The following SLC39A11 variants were observed in gnomAD, a reference collection of about 807,000 sequenced individuals.
The protein encoded by SLC39A11 is solute carrier family 39 member 11.
SLC39A11 carries 33 observed loss-of-function variants against 36.1 expected under a neutral mutation model. The observed-to-expected ratio is 0.91, with a 90% CI of 0.69 to 1.22. SLC39A11 has a LOEUF of 1.22. Ranked by LOEUF, SLC39A11 falls within the 50% of genes most tolerant of loss-of-function variation. The pLI is 0.00. For missense variants in SLC39A11, 432 were observed against 430.3 expected (o/e 1.00, Z -0.03); for synonymous variants, 166 against 170.3 (o/e 0.97, Z 0.20).
chr17:72,861,780 A>C (rs1426507362), intron 5 of SLC39A11, among the ~76,000 whole-genome samples: 6 of 87,938 alleles, frequency 6.8e-5, no homozygotes, highest in Admixed American at 1.3e-4. Flanking sequence ...ATATATATAT[A>C]TATCCAATGC....
At chr17:72,909,894 C>T (rs552064420) in intron 5 of SLC39A11, among the ~76,000 whole-genome samples, 94 of 152,026 alleles carry the variant, frequency 6.2e-4, no homozygotes, top group Non-Finnish European at 7.5e-4. Context: ...TCCAGGCGCC[C>T]GCCATTACGC....
chr17:72,963,264 G>A (rs975016724), intron 4 of SLC39A11, among the ~76,000 whole-genome samples: 20 of 136,258 alleles, frequency 1.5e-4, no homozygotes, highest in African/African-American at 3.8e-4. Flanking sequence ...TCCGCCTCCC[G>A]GGTTCACGCC....
intron 6 of SLC39A11, among the ~76,000 whole-genome samples, chr17:72,790,164 TA>T (rs1381696588): frequency 6.6e-6 from 1 of 152,130 alleles, no homozygotes; most frequent in Non-Finnish European, 1.5e-5. Flanking sequence ...AAGACTAGCA[TA>T]GGGGGCATCA....
intron 6 of SLC39A11, among the ~76,000 whole-genome samples, chr17:72,767,161 C>CT (rs1252325330): frequency 1.3e-5 from 2 of 152,230 alleles, no homozygotes; most frequent in Non-Finnish European, 2.9e-5. Flanking sequence ...TGTTGAGCTG[C>CT]TTTTTGTGTT....
intron 7 of SLC39A11, among the ~76,000 whole-genome samples, chr17:72,687,700 G>T (rs1353409789): frequency 6.6e-6 from 1 of 152,232 alleles, no homozygotes; most frequent in African/African-American, 2.4e-5. Context: ...GAGGCATGGA[G>T]TAGGGAAGGT....
At chr17:72,655,852 TA>T (rs2070091140) in intron 7 of SLC39A11, among the ~76,000 whole-genome samples, 1 of 151,880 alleles carries the variant, frequency 6.6e-6, no homozygotes. Context: ...CTCTCAGTGG[TA>T]GGGGGTGAGC....
intron 6 of SLC39A11, among the ~76,000 whole-genome samples, chr17:72,808,002 G>C (rs1458383787): frequency 6.6e-6 from 1 of 151,964 alleles, no homozygotes; most frequent in African/African-American, 2.4e-5. Flanking sequence ...AAATTGTAAG[G>C]CACCAAATTG....
chr17:72,848,205 G>A (rs900580042), intron 6 of SLC39A11, among the ~76,000 whole-genome samples: 5 of 152,158 alleles, frequency 3.3e-5, no homozygotes, highest in African/African-American at 7.2e-5. Context: ...CAAGGTTCAG[G>A]GAGTTCAAGC....
Position 72,918,180 on chromosome 17 carries a change from G to A in SLC39A11, c.430+29572C>T, listed in dbSNP as rs143897209. Reference sequence around the variant, plus strand: ...TCCCAGCACTTTGGGAGGCCGAGGCGGGTGGATCTCCTGAGGTCAGGAGTC... The same window carrying A: ...TCCCAGCACTTTGGGAGGCCGAGGCAGGTGGATCTCCTGAGGTCAGGAGTC... On this transcript the variant is annotated intron_variant, in intron 5 of 9. Transcript: ENST00000255559. Among the ~76,000 whole-genome samples, 565 of 152,256 alleles carry A rather than the reference G, an allele frequency of 3.7e-3. 3 individuals carry two copies. Among genetic ancestry groups the A allele is most frequent in the African/African-American group, 4.9e-3 (203 of 41,550 alleles).
At chr17:72,825,328 G>A (rs1178901135) in intron 6 of SLC39A11, among the ~76,000 whole-genome samples, 1 of 152,182 alleles carries the variant, frequency 6.6e-6, no homozygotes, top group Non-Finnish European at 1.5e-5. Flanking sequence ...TAAGCTTTTG[G>A]GTGTTCAGAA....
intron 6 of SLC39A11, among the ~76,000 whole-genome samples, chr17:72,831,004 T>A (rs1309911434): frequency 6.6e-6 from 1 of 152,186 alleles, no homozygotes; most frequent in East Asian, 1.9e-4. Flanking sequence ...TGAGACTTAG[T>A]GATTTTTGTA....
chr17:72,933,605 C>T (rs572501868), intron 5 of SLC39A11, among the ~76,000 whole-genome samples: 3 of 152,226 alleles, frequency 2.0e-5, no homozygotes, highest in African/African-American at 4.8e-5. Context: ...CTGCAACCTC[C>T]GCCTCCCGGG....
intron 4 of SLC39A11, among the ~76,000 whole-genome samples, chr17:73,025,123 G>A (rs1198262134): frequency 6.6e-6 from 1 of 152,112 alleles, no homozygotes; most frequent in Non-Finnish European, 1.5e-5. Context: ...GAACATGGTT[G>A]AGGACTCAGA....
chr17:72,750,722 G>A (rs955827235), intron 6 of SLC39A11, among the ~76,000 whole-genome samples: 1 of 152,042 alleles, frequency 6.6e-6, no homozygotes, highest in African/African-American at 2.4e-5. Context: ...ATACCACAAC[G>A]TATGTATCCA....
chr17:72,728,930 C>G (rs926909478), intron 7 of SLC39A11, among the ~76,000 whole-genome samples: 1 of 152,174 alleles, frequency 6.6e-6, no homozygotes, highest in African/African-American at 2.4e-5. Context: ...TCTGTGGGTT[C>G]TGTACGCAAC....
intron 5 of SLC39A11, among the ~76,000 whole-genome samples, chr17:72,882,562 G>A (rs931006896): frequency 6.6e-6 from 1 of 151,980 alleles, no homozygotes; most frequent in Non-Finnish European, 1.5e-5. Context: ...CTTCAGGACC[G>A]AATCCAAGAG....
At chr17:72,861,152 T>C (rs2079962096) in intron 5 of SLC39A11, among the ~76,000 whole-genome samples, 1 of 152,178 alleles carries the variant, frequency 6.6e-6, no homozygotes, top group Non-Finnish European at 1.5e-5. Flanking sequence ...AAAATTAGAT[T>C]ATGATAAGAT....
At chr17:73,038,064 A>C (rs1354728188) in intron 3 of SLC39A11, among the ~76,000 whole-genome samples, 2 of 152,020 alleles carry the variant, frequency 1.3e-5, no homozygotes, top group African/African-American at 4.8e-5. Context: ...CTCTACTAAA[A>C]AACACAAAAA....
intron 5 of SLC39A11, among the ~76,000 whole-genome samples, chr17:72,921,330 A>C (rs1168838985): frequency 6.6e-6 from 1 of 152,170 alleles, no homozygotes; most frequent in Non-Finnish European, 1.5e-5. Flanking sequence ...GGTGATACTG[A>C]ATCAGAAGAC....
Sources: gnomAD v4.1 joint callset for allele counts (sites outside exome capture counted in the v4.1 genomes callset) on GRCh38, gnomAD v4.1.1 for gene constraint, MANE v1.5 for transcripts, NCBI Gene and HGNC (gene_info 2026-07-23, HGNC 2026-07-21) for gene names.